PRKCQ: variants seen among roughly 807,000 people sequenced by gnomAD.
The protein encoded by PRKCQ is protein kinase C theta type.
A neutral mutation model predicts 91.2 loss-of-function variants in PRKCQ; 41 were observed. That is an observed-to-expected ratio of 0.45 (90% CI 0.35 to 0.58). The LOEUF is 0.58. Ranked by LOEUF, PRKCQ falls within the 20% of genes least tolerant of loss-of-function variation. The probability of loss-of-function intolerance (pLI) is 0.00; values close to 1 mark genes in which losing one functional copy is unlikely to be tolerated. For missense variants in PRKCQ, 673 were observed against 896.5 expected, an observed-to-expected ratio of 0.75 and a Z score of 3.18; for synonymous variants, 307 against 316.9, an observed-to-expected ratio of 0.97 and a Z score of 0.33.
the PRKCQ span, among the ~76,000 whole-genome samples, chr10:6,395,687 T>C: frequency 6.6e-6 from 1 of 152,158 alleles, no homozygotes; most frequent in Non-Finnish European, 1.5e-5. Flanking sequence ...TTTTAAACTA[T>C]AAACTAAGTC....
Position 6,557,303 on chromosome 10 carries a change from C to T in PRKCQ, c.-10+22908G>A, listed in dbSNP as rs186015282. Reference sequence around the variant, plus strand: ...ATGACTTGGTCATTTCCAGACCCTGCGGCTGGAAATGGTCTTCCTCCTCAA... The same window carrying T: ...ATGACTTGGTCATTTCCAGACCCTGTGGCTGGAAATGGTCTTCCTCCTCAA... On this transcript the variant is annotated intron_variant, in intron 1 of 17. Transcript: ENST00000263125. Among the ~76,000 whole-genome samples the T allele has an allele frequency of 3.0e-4, 46 of 152,302 alleles. No homozygotes were observed. In the East Asian group the frequency reaches 7.1e-3, roughly 24 times the overall value.
rs542700536 is a variant in PRKCQ, at chr10:6,473,003, G to A, written c.1353+5989C>T. Among the ~76,000 whole-genome samples, 5 of 152,302 alleles carry A rather than the reference G, an allele frequency of 3.3e-5. No homozygotes were observed. In the East Asian group the frequency reaches 7.7e-4, roughly 23 times the overall value. On this transcript the variant is annotated intron_variant, in intron 12 of 17. Coordinates refer to ENST00000263125, the MANE Select transcript of PRKCQ (RefSeq NM_006257.5). Reference sequence around the variant, plus strand: ...GCTGGGATTACAGGTGTGAGCCACCGTGCCTGGCCGCCTCCTGCCTTTTTA... The same window carrying A: ...GCTGGGATTACAGGTGTGAGCCACCATGCCTGGCCGCCTCCTGCCTTTTTA...
the PRKCQ span, among the ~76,000 whole-genome samples, chr10:6,399,463 G>A: frequency 6.6e-6 from 1 of 152,226 alleles, no homozygotes; most frequent in Admixed American, 6.5e-5. Context: ...CCCTTGCCCT[G>A]GAGACAGAAA....
rs1009719439 is a variant in PRKCQ at position 6,465,872 on chromosome 10, C to G, written c.1354-1468G>C. Among the ~76,000 whole-genome samples, 5 of 152,226 alleles carry G rather than the reference C, an allele frequency of 3.3e-5. No homozygotes were observed. The highest frequency in any genetic ancestry group is 1.5e-5 in the Non-Finnish European group (1 of 68,042). On this transcript the variant is annotated intron_variant, in intron 12 of 17. Transcript: ENST00000263125. The surrounding 1 kb of genome is among the most constrained non-coding windows in gnomAD (Gnocchi z 4.4). Reference sequence around the variant, plus strand: ...CTTTAAGTGAAGCCCACCCTTTTCTCTTCTGGACAGGCCCAAATTCTCAGC... The same window carrying G: ...CTTTAAGTGAAGCCCACCCTTTTCTGTTCTGGACAGGCCCAAATTCTCAGC...
chr10:6,440,385 A>T (rs1172941786), intron 16 of PRKCQ, among the ~76,000 whole-genome samples: 2 of 152,332 alleles, frequency 1.3e-5, no homozygotes, highest in East Asian at 3.9e-4. Flanking sequence ...AGCCAAACAC[A>T]TCTGCAAGGA....
chr10:6,550,106 C>T (rs1325979558), intron 1 of PRKCQ, among the ~76,000 whole-genome samples: 1 of 152,148 alleles, frequency 6.6e-6, no homozygotes, highest in Admixed American at 6.5e-5. Context: ...CGTTCTACTT[C>T]CCGTTTCTGT....
chr10:6,430,961 C>A lies in PRKCQ; in HGVS notation c.1837-23G>T. 4 of 1,611,918 alleles carry A rather than the reference C, an allele frequency of 2.5e-6. No individual in the cohort carries two copies. The highest frequency in any genetic ancestry group is 3.4e-6 in the Non-Finnish European group (4 of 1,178,934). Reference sequence around the variant, plus strand: ...GAGCTGAAAGGGAGCAGAGCAGGAGCCCTGAGGTCTCCAGGGATGACCCTT... The same window carrying A: ...GAGCTGAAAGGGAGCAGAGCAGGAGACCTGAGGTCTCCAGGGATGACCCTT... On this transcript the variant is annotated intron_variant, in intron 16 of 17. Transcript: ENST00000263125. The surrounding 1 kb of genome is among the most constrained non-coding windows in gnomAD (Gnocchi z 4.7).
intron 3 of PRKCQ, among the ~76,000 whole-genome samples, chr10:6,510,203 T>C (rs1006565387): frequency 6.6e-6 from 1 of 152,240 alleles, no homozygotes; most frequent in Admixed American, 6.5e-5. Flanking sequence ...ATATTTTCTT[T>C]TATTTTGTGC....
chr10:6,404,254 GGGAGAGA>G, the PRKCQ span, among the ~76,000 whole-genome samples: 7 of 107,440 alleles, frequency 6.5e-5, no homozygotes, highest in South Asian at 7.8e-4. Flanking sequence ...AGAAGGGGGG[GGGAGAGA>G]GAGAGAGAGA....
intron 8 of PRKCQ, among the ~76,000 whole-genome samples, chr10:6,487,050 G>A (rs1836967825): frequency 6.6e-6 from 1 of 152,190 alleles, no homozygotes. Context: ...GGCTTCACCA[G>A]TGTGGGCTTA....
intron 15 of PRKCQ, among the ~76,000 whole-genome samples, chr10:6,448,568 C>G (rs1449554362): frequency 6.6e-6 from 1 of 152,002 alleles, no homozygotes; most frequent in Non-Finnish European, 1.5e-5. Context: ...GCCACCACAC[C>G]CAGCTAATTT....
rs139978579 is a variant in PRKCQ, at chr10:6,515,693, TAC to T, written c.-9-551_-9-550del. Among the ~76,000 whole-genome samples the T allele has an allele frequency of 4.6e-5, 7 of 151,850 alleles. No individual in the cohort carries two copies. The East Asian group carries it at 7.7e-4, about 17-fold the overall frequency. ...CAAAAAGGTCTGCTTTCTTCACAGTTACACACACACACACTCTAAGCCTTTGA... is the reference window on the plus strand; with the variant it reads ...CAAAAAGGTCTGCTTTCTTCACAGTTACACACACACACTCTAAGCCTTTGA... On this transcript the variant is annotated intron_variant, in intron 1 of 17. Coordinates refer to ENST00000263125, the MANE Select transcript of PRKCQ (RefSeq NM_006257.5).
chr10:6,515,675 G>T (rs1045691272), intron 1 of PRKCQ: 1 of 258,130 alleles, frequency 3.9e-6, no homozygotes, highest in East Asian at 1.8e-4. Context: ...TTTCAAAAAG[G>T]TCTGCTTTCT....
chr10:6,425,015 G>A (rs1833082315), downstream of PRKCQ, among the ~76,000 whole-genome samples: 1 of 152,172 alleles, frequency 6.6e-6, no homozygotes, highest in Non-Finnish European at 1.5e-5. Flanking sequence ...CCCCTAGAAG[G>A]GGGACAGGTA....
At chr10:6,498,600 G>C (rs762645830) in intron 4 of PRKCQ, 42 bp from the exon 5 acceptor site, 4 of 1,595,490 alleles carry the variant, frequency 2.5e-6, no homozygotes, top group Non-Finnish European at 3.4e-6. Flanking sequence ...TTCTGCAAAA[G>C]GACGACTCCT....
the PRKCQ span, among the ~76,000 whole-genome samples, chr10:6,403,171 C>T: frequency 7.9e-5 from 12 of 152,228 alleles, no homozygotes; most frequent in Non-Finnish European, 1.6e-4. Context: ...CGCTCTCATG[C>T]CTGAAGCTCT....
At chr10:6,494,795 T>C (rs978842620) in intron 7 of PRKCQ, among the ~76,000 whole-genome samples, 3 of 152,240 alleles carry the variant, frequency 2.0e-5, no homozygotes, top group Non-Finnish European at 4.4e-5. Flanking sequence ...ACCTATATGA[T>C]GGTCACTGTC....
the PRKCQ span, among the ~76,000 whole-genome samples, chr10:6,396,531 T>C: frequency 0.077 from 11,686 of 152,360 alleles, 602 homozygotes; most frequent in Middle Eastern, 0.18. Context: ...TGGAATCATA[T>C]ACTACATGGT....
chr10:6,564,925 T>A (rs1840784187), intron 1 of PRKCQ, among the ~76,000 whole-genome samples: 1 of 152,238 alleles, frequency 6.6e-6, no homozygotes, highest in African/African-American at 2.4e-5. Flanking sequence ...AAATCCCATT[T>A]CAAGCCTTTG....
Sources: allele counts gnomAD v4.1 joint callset (sites outside exome capture counted in the v4.1 genomes callset), GRCh38; gene constraint gnomAD v4.1.1; non-coding constraint Gnocchi (gnomAD v3.1); transcripts MANE v1.5; gene names NCBI Gene and HGNC (gene_info 2026-07-23, HGNC 2026-07-21).